Variants in ELP4 observed in about 807,000 individuals in gnomAD.
ELP4 encodes the protein elongator complex protein 4.
Under a neutral mutation model 48.9 loss-of-function variants are expected in ELP4, and 51 were observed. The ratio of observed to expected loss-of-function variants is 1.04; its 90% CI spans 0.83 to 1.32. The LOEUF (loss-of-function observed/expected upper bound fraction) is 1.32, where lower values mean the gene tolerates loss of function less well. ELP4 is among the 40% of genes most tolerant of loss of function. The pLI, the probability that ELP4 is intolerant of heterozygous loss-of-function variation, is 0.00. For missense variants in ELP4, 519 were observed against 514.6 expected (o/e 1.01, Z -0.08); for synonymous variants, 210 against 189.2 (o/e 1.11, Z -0.90).
intron 3 of ELP4, among the ~76,000 whole-genome samples, chr11:31,577,972 G>A (rs565375522): frequency 2.0e-4 from 30 of 152,242 alleles, no homozygotes; most frequent in African/African-American, 6.7e-4. Flanking sequence ...AAGAAATAAA[G>A]TGTGTTTAAT....
intron 9 of ELP4, among the ~76,000 whole-genome samples, chr11:31,723,247 G>T (rs1450813732): frequency 2.0e-5 from 3 of 152,072 alleles, no homozygotes; most frequent in Admixed American, 6.6e-5. Context: ...ATCCTGTGAG[G>T]GCTGAAGCCC....
chr11:31,619,189 G>T (rs917559867), intron 5 of ELP4, among the ~76,000 whole-genome samples: 1 of 151,950 alleles, frequency 6.6e-6, no homozygotes, highest in African/African-American at 2.4e-5. Flanking sequence ...CAGTAGAAAA[G>T]GAGAAGTTAA....
chr11:31,650,271 T>C (rs1364319501), intron 9 of ELP4, 50 bp downstream of exon 9: 4 of 599,854 alleles, frequency 6.7e-6, no homozygotes, highest in Non-Finnish European at 8.9e-6. Flanking sequence ...AAACTTATTT[T>C]TAACTTATTT....
intron 5 of ELP4, among the ~76,000 whole-genome samples, chr11:31,626,821 T>C (rs1194354438): frequency 6.6e-6 from 1 of 151,856 alleles, no homozygotes; most frequent in Non-Finnish European, 1.5e-5. Context: ...ATTAAATCAT[T>C]AATTTTCTTG....
rs755762601 is a variant in ELP4, at chr11:31,632,364, C to A, written c.886C>A (p.Leu296Ile). 13 of 1,612,654 alleles carry A rather than the reference C, an allele frequency of 8.1e-6. No individual in the cohort carries two copies. In the East Asian group the frequency reaches 2.9e-4, roughly 36 times the overall value. ...YVLRGLLRTS[L>I]SACIITMPTH... ...TCTCCGTGGTCTTCTGAGAACCTCT[C>A]TTTCAGCCTGCATCATCACAATGCC... Residue 296 changes from leucine (L) to isoleucine (I), a missense_variant, in exon 7 of 10, where the codon CTT (leucine) becomes ATT (isoleucine). Transcript: ENST00000640961.
At chr11:31,716,378 A>G (rs1365825677) in intron 9 of ELP4, among the ~76,000 whole-genome samples, 1 of 152,198 alleles carries the variant, frequency 6.6e-6, no homozygotes, top group Non-Finnish European at 1.5e-5. Flanking sequence ...CTGGCTCTGG[A>G]AAAGAATATC....
intron 4 of ELP4, chr11:31,599,522 C>CAAAA (rs72068693): frequency 5.5e-5 from 7 of 126,628 alleles, no homozygotes; most frequent in African/African-American, 2.5e-4. Context: ...CACACACACA[C>CAAAA]AAAAAAAAAA....
intron 3 of ELP4, among the ~76,000 whole-genome samples, chr11:31,579,533 C>T (rs1957348694): frequency 6.6e-6 from 1 of 152,088 alleles, no homozygotes; most frequent in Non-Finnish European, 1.5e-5. Flanking sequence ...TGGGAACCAA[C>T]CCAGATGTCC....
intron 9 of ELP4, among the ~76,000 whole-genome samples, chr11:31,655,410 G>A (rs1387116102): frequency 2.0e-5 from 3 of 151,694 alleles, no homozygotes; most frequent in Non-Finnish European, 4.4e-5. Flanking sequence ...CTAAATTATT[G>A]TCTTGAATCT....
intron 1 of ELP4, chr11:31,510,259 A>T (rs1955962940): frequency 1.8e-6 from 1 of 561,760 alleles, no homozygotes; most frequent in Admixed American, 3.0e-5. Flanking sequence ...CATATTACGG[A>T]GGAATTCGTA....
chr11:31,691,825 C>T (rs968936884), intron 9 of ELP4, among the ~76,000 whole-genome samples: 32 of 152,090 alleles, frequency 2.1e-4, no homozygotes, highest in African/African-American at 7.5e-4. Context: ...CCCCAGATGA[C>T]ACAAAGCTGG....
chr11:31,514,156 A>T (rs1181034811), intron 1 of ELP4, among the ~76,000 whole-genome samples: 2 of 152,230 alleles, frequency 1.3e-5, no homozygotes, highest in Non-Finnish European at 1.5e-5. Context: ...ATCTAGAAGT[A>T]AAAACAAGAG....
chr11:31,547,561 G>A (rs1407710961), intron 3 of ELP4, among the ~76,000 whole-genome samples: 1 of 152,064 alleles, frequency 6.6e-6, no homozygotes, highest in Non-Finnish European at 1.5e-5. Flanking sequence ...AGAGGTACAA[G>A]GAGGAACTGG....
In ELP4 at chr11:31,786,539, G is replaced by T. The variant is rs777926361; in HGVS notation, c.*3015G>T. On this transcript the variant is annotated 3_prime_UTR_variant, in exon 10 of 10. Coordinates refer to ENST00000640961, the MANE Select transcript of ELP4 (RefSeq NM_019040.5). ...GAGCCAAACATACAGAGAAGAAAAG[G>T]CTTTTTAAAATCTTACTAGTATGAG... The T allele has an allele frequency of 3.6e-5, 8 of 224,770 alleles. No homozygotes were observed. The highest frequency in any genetic ancestry group is 6.2e-5 in the Non-Finnish European group (7 of 112,804). The allele number at this position is 224,770 out of a possible 1,614,324, so 13.9% of individuals were successfully genotyped here. A position where few individuals can be genotyped will look rare whatever the true frequency, so the allele number is the denominator to read the frequency against.
At chr11:31,677,872 A>G (rs759473831) in intron 9 of ELP4, among the ~76,000 whole-genome samples, 25 of 152,212 alleles carry the variant, frequency 1.6e-4, no homozygotes, top group Non-Finnish European at 3.4e-4. Flanking sequence ...ACTGAAGTCC[A>G]TACTTTATAC....
At chr11:31,724,064 C>T (rs1947023473) in intron 9 of ELP4, among the ~76,000 whole-genome samples, 1 of 152,122 alleles carries the variant, frequency 6.6e-6, no homozygotes, top group African/African-American at 2.4e-5. Context: ...CTGCTCTAAC[C>T]CTCACCTCTA....
chr11:31,592,675 A>G (rs1317557747), intron 3 of ELP4, among the ~76,000 whole-genome samples: 1 of 151,758 alleles, frequency 6.6e-6, no homozygotes, highest in Non-Finnish European at 1.5e-5. Flanking sequence ...TGAGTGCCTT[A>G]TCAGTATTAA....
intron 9 of ELP4, among the ~76,000 whole-genome samples, chr11:31,661,549 A>G (rs1265234050): frequency 3.9e-5 from 6 of 152,034 alleles, no homozygotes; most frequent in African/African-American, 1.2e-4. Flanking sequence ...ATTTTTATTC[A>G]TCATTGTATC....
chr11:31,728,946 T>C (rs975470027), intron 9 of ELP4, among the ~76,000 whole-genome samples: 8 of 152,186 alleles, frequency 5.3e-5, no homozygotes, highest in African/African-American at 1.9e-4. Context: ...CATATTGAGC[T>C]TTCTATTTGA....
Sources: allele counts gnomAD v4.1 joint callset (sites outside exome capture counted in the v4.1 genomes callset), GRCh38; gene constraint gnomAD v4.1.1; transcripts MANE v1.5; gene names NCBI Gene and HGNC (gene_info 2026-07-23, HGNC 2026-07-21).